Variants in MACF1 observed in about 807,000 individuals in gnomAD.
MACF1 encodes the protein microtubule-actin cross-linking factor 1.
In MACF1, 193 loss-of-function variants were observed where a neutral mutation model predicts 854.8. The ratio of observed to expected loss-of-function variants is 0.23; its 90% CI spans 0.20 to 0.25. The LOEUF (loss-of-function observed/expected upper bound fraction) is 0.25. MACF1 is among the 10% of genes least tolerant of loss of function. The pLI, the probability that MACF1 is intolerant of heterozygous loss-of-function variation, is 1.00. For synonymous variants in MACF1, 3,185 were observed against 3,226.7 expected (o/e 0.99, Z 0.44); for missense variants, 7,722 against 8,929.1 (o/e 0.86, Z 5.45).
At chr1:39,209,108 A>G (rs1347651490) in intron 1 of MACF1, among the ~76,000 whole-genome samples, 1 of 151,748 alleles carries the variant, frequency 6.6e-6, no homozygotes, top group African/African-American at 2.4e-5. Context: ...CAAAATTAGC[A>G]GGATGTAGTG....
intron 43 of MACF1, 56 bp from the exon 44 acceptor site, chr1:39,352,951 G>A: frequency 1.6e-6 from 2 of 1,263,662 alleles, no homozygotes; most frequent in Non-Finnish European, 2.3e-6. Flanking sequence ...CTTAACCTGT[G>A]GTTGTATGAT....
At chr1:39,411,095 C>T (rs1642977554) in intron 58 of MACF1, 2 of 1,613,412 alleles carry the variant, frequency 1.2e-6, no homozygotes, top group East Asian at 2.2e-5. Context: ...AAGCAGCACC[C>T]CCTTGGGGAC....
intron 74 of MACF1, among the ~76,000 whole-genome samples, 170 bp from the exon 75 acceptor site, chr1:39,441,782 A>G (rs562347147): frequency 2.0e-5 from 3 of 152,356 alleles, no homozygotes; most frequent in African/African-American, 4.8e-5. Flanking sequence ...TTAAATCACC[A>G]TATTATTAAT....
At position 39,243,926 on chromosome 1, in the gene MACF1, A is replaced by T. The variant is rs147319478; in HGVS notation, c.172-6088A>T. On this transcript the variant is annotated intron_variant, in intron 2 of 100. Transcript: ENST00000564288. ...ATTCCTGACACAGAAGCACCCAGTA[A>T]ATGTTAGCTAGTTCTTTACTCTTCT... 2.8e-4 allele frequency among the ~76,000 whole-genome samples: 43 copies of T among 152,066 alleles called. No individual in the cohort carries two copies. The East Asian group carries it at 7.9e-3, about 28-fold the overall frequency.
chr1:39,170,279 T>C (rs1213505909), intron 2 of MACF1, among the ~76,000 whole-genome samples: 2 of 152,234 alleles, frequency 1.3e-5, no homozygotes, highest in African/African-American at 4.8e-5. Flanking sequence ...TTGAGAGAAC[T>C]GTTTTATAGA....
rs151103862 is a variant in MACF1, at chr1:39,484,748, G to C, written c.22411+18G>C. On this transcript the variant is annotated intron_variant, in intron 100 of 100. Transcript: ENST00000564288. ...TCGGGCAGGTAAGTACCTGCCCCGT[G>C]ACCTACAAGCCAGGCTGAGAATTTG... The C allele has an allele frequency of 2.4e-5, 38 of 1,614,002 alleles. No individual in the cohort carries two copies. The highest frequency in any genetic ancestry group is 3.2e-5 in the Non-Finnish European group (38 of 1,180,004).
At chr1:39,384,161 A>G (rs1557622586) in intron 56 of MACF1, among the ~76,000 whole-genome samples, 1 of 151,982 alleles carries the variant, frequency 6.6e-6, no homozygotes. Flanking sequence ...CTCGTTCTTT[A>G]TTGTCACATC....
In MACF1 at chr1:39,283,231, C is replaced by A; in HGVS notation, c.738C>A (p.Asn246Lys). The A allele has an allele frequency of 6.2e-7, 1 of 1,613,956 alleles. No individual in the cohort carries two copies. The highest frequency in any genetic ancestry group is 8.5e-7 in the Non-Finnish European group (1 of 1,179,958). The change falls in exon 8 of 101, where the codon AAC becomes AAA. Residue 246 changes from asparagine (N) to lysine (K), a missense_variant. This residue lies in a region of MACF1 where 108 missense variants were observed against 196.4 expected (regional missense o/e 0.55). Coordinates refer to ENST00000564288, the MANE Select transcript of MACF1 (RefSeq NM_001394062.1). The surrounding 1 kb of genome is among the most constrained non-coding windows in gnomAD (Gnocchi z 4.5). ...TGGAGAGGGTGCAAATCCAAAGTAA[C>A]CGAGAGAATCTGGAACAGGCTTTTG... ...VDMERVQIQS[N>K]RENLEQAFEV...
chr1:39,239,131 A>G (rs1644892178), intron 2 of MACF1, among the ~76,000 whole-genome samples: 1 of 152,184 alleles, frequency 6.6e-6, no homozygotes, highest in African/African-American at 2.4e-5. Flanking sequence ...AAATACAAAA[A>G]TTAGCTGGGA....
At chr1:39,266,456 C>A (rs1361987823) in intron 6 of MACF1, among the ~76,000 whole-genome samples, 1 of 152,136 alleles carries the variant, frequency 6.6e-6, no homozygotes, top group Non-Finnish European at 1.5e-5. Flanking sequence ...GTTTTGCAGT[C>A]AGCCTTAAGG....
intron 58 of MACF1, chr1:39,413,782 G>C (rs1295456939): frequency 6.2e-7 from 1 of 1,611,690 alleles, no homozygotes; most frequent in Non-Finnish European, 8.5e-7. Flanking sequence ...TGCCTCCCCA[G>C]CTGCTGCAGT....
In MACF1 at chr1:39,285,031, T is replaced by C. The variant is rs542684495; in HGVS notation, c.1132-52T>C. The C allele has an allele frequency of 2.5e-6, 4 of 1,598,188 alleles. No homozygotes were observed. The African/African-American group carries it at 4.0e-5, about 16-fold the overall frequency. On this transcript the variant is annotated intron_variant, in intron 11 of 100. Coordinates refer to ENST00000564288, the MANE Select transcript of MACF1 (RefSeq NM_001394062.1). ...TGATGTGCAAATAATAAATCAAAAC[T>C]GGGACAAGAGGGCATGGCTGTGTTT...
At chr1:39,117,781 TACAAATG>T (rs1642585471) in intron 2 of MACF1, among the ~76,000 whole-genome samples, 1 of 152,214 alleles carries the variant, frequency 6.6e-6, no homozygotes, top group Non-Finnish European at 1.5e-5. Context: ...TAATACACAT[TACAAATG>T]ACAAAAGACA....
At chr1:39,347,408 T>C (rs573710740) in intron 41 of MACF1, among the ~76,000 whole-genome samples, 198 bp downstream of exon 41, 1 of 152,370 alleles carries the variant, frequency 6.6e-6, no homozygotes, top group Non-Finnish European at 1.5e-5. Flanking sequence ...TCTTTGGTTT[T>C]ATGTATGTGT....
At chr1:39,199,675 A>G (rs1268982273) in intron 2 of MACF1, among the ~76,000 whole-genome samples, 1 of 152,164 alleles carries the variant, frequency 6.6e-6, no homozygotes, top group Non-Finnish European at 1.5e-5. Context: ...TGCTTAATAA[A>G]TTTTAGTTTC....
At chr1:39,412,719 T>G (rs1295082628) in intron 58 of MACF1, 2 of 1,613,950 alleles carry the variant, frequency 1.2e-6, no homozygotes, top group East Asian at 2.2e-5. Flanking sequence ...CCAAGGCTGG[T>G]AATACTGAAC....
chr1:39,422,615 C>T, intron 59 of MACF1, 80 bp downstream of exon 59: 1 of 1,541,768 alleles, frequency 6.5e-7, no homozygotes, highest in Non-Finnish European at 8.8e-7. Flanking sequence ...TTTCCCGAAA[C>T]CTGAATGGAA....
chr1:39,157,443 T>TAG (rs1643715042), intron 2 of MACF1, among the ~76,000 whole-genome samples: 1 of 152,256 alleles, frequency 6.6e-6, no homozygotes, highest in Non-Finnish European at 1.5e-5. Flanking sequence ...AACTCTTCCC[T>TAG]AGGTCACCCA....
intron 94 of MACF1, chr1:39,463,947 G>A: frequency 2.9e-6 from 1 of 339,836 alleles, no homozygotes; most frequent in Non-Finnish European, 5.7e-6. Context: ...ATCTGACAAA[G>A]TTCCTAGGGG....
Sources: allele counts gnomAD v4.1 joint callset (sites outside exome capture counted in the v4.1 genomes callset), GRCh38; gene constraint gnomAD v4.1.1; regional missense constraint gnomAD v4.1.1; non-coding constraint Gnocchi (gnomAD v3.1); transcripts MANE v1.5; gene names NCBI Gene and HGNC (gene_info 2026-07-23, HGNC 2026-07-21).